Variants in RMP24 observed in about 807,000 individuals in gnomAD.
RMP24 encodes the protein ribonuclease MRP protein subunit p24.
At chr18:35,973,957 A>G in the RMP24 span, 277 of 152,614 alleles carry the variant, frequency 1.8e-3, 1 homozygote, top group Non-Finnish European at 5.3e-4. Flanking sequence ...CTGGATTAAT[A>G]AAAGTGAAAG....
chr18:35,972,866 G>C, the RMP24 span: 1 of 1,614,186 alleles, frequency 6.2e-7, no homozygotes, highest in Non-Finnish European at 8.5e-7. Context: ...CTCCTCACAA[G>C]TCTCTTTCTC....
At chr18:35,979,073 T>C in the RMP24 span, 5 of 1,419,552 alleles carry the variant, frequency 3.5e-6, no homozygotes, top group Non-Finnish European at 4.7e-6. Context: ...TATTCATTTT[T>C]TGAATACATG....
the RMP24 span, among the ~76,000 whole-genome samples, chr18:35,975,761 G>A: frequency 3.3e-5 from 5 of 152,116 alleles, no homozygotes; most frequent in East Asian, 1.9e-4. Flanking sequence ...TCACTGTGCC[G>A]GGCACTGGAC....
At chr18:35,975,792 GC>G in the RMP24 span, among the ~76,000 whole-genome samples, 1 of 152,174 alleles carries the variant, frequency 6.6e-6, no homozygotes. Flanking sequence ...CTTATGTCTG[GC>G]CTAAGACTAT....
At chr18:35,979,101 C>A in the RMP24 span, 1 of 1,262,834 alleles carries the variant, frequency 7.9e-7, no homozygotes, top group Non-Finnish European at 1.1e-6. Context: ...GATCTGAATG[C>A]AAACTTTTCT....
chr18:35,974,995 C>G, the RMP24 span: 1 of 1,613,806 alleles, frequency 6.2e-7, no homozygotes, highest in African/African-American at 1.3e-5. Flanking sequence ...AGGTTGACAC[C>G]CAAAATACAG....
chr18:35,977,645 T>C, the RMP24 span: 3 of 1,563,032 alleles, frequency 1.9e-6, no homozygotes, highest in Non-Finnish European at 2.6e-6. Context: ...GTTAAGTGTT[T>C]TCTTCTAATT....
At chr18:35,974,857 TG>T in the RMP24 span, 125 of 1,559,466 alleles carry the variant, frequency 8.0e-5, no homozygotes, top group South Asian at 1.4e-3. Flanking sequence ...CAAAATATTC[TG>T]ATTTGCTGAA....
At chr18:35,977,425 A>T in the RMP24 span, 114 of 1,610,464 alleles carry the variant, frequency 7.1e-5, no homozygotes, top group African/African-American at 1.4e-3. Context: ...CACTTGTAAA[A>T]CATGCAACAG....
chr18:35,973,062 A>C, the RMP24 span: 1 of 958,356 alleles, frequency 1.0e-6, no homozygotes, highest in Non-Finnish European at 1.6e-6. Context: ...AAAAATCCAA[A>C]TTCTTTAATG....
chr18:35,973,013 A>G, the RMP24 span: 1 of 1,408,094 alleles, frequency 7.1e-7, no homozygotes, highest in Non-Finnish European at 1.0e-6. Flanking sequence ...CCTCCATAAA[A>G]ACAACAACAA....
At chr18:35,977,902 C>G in the RMP24 span, among the ~76,000 whole-genome samples, 1 of 152,346 alleles carries the variant, frequency 6.6e-6, no homozygotes, top group Non-Finnish European at 1.5e-5. Flanking sequence ...CAGCTAACCA[C>G]TCAAACCTGT....
chr18:35,972,979 A>C, the RMP24 span: 2 of 1,587,568 alleles, frequency 1.3e-6, no homozygotes, highest in Non-Finnish European at 1.7e-6. Flanking sequence ...CACAACGCTC[A>C]AATAAGGCCG....
At chr18:35,972,851 C>T in the RMP24 span, 1 of 1,614,216 alleles carries the variant, frequency 6.2e-7, no homozygotes, top group Non-Finnish European at 8.5e-7. Flanking sequence ...GTAGGTGTTC[C>T]TTTGCTCCTC....
chr18:35,975,386 T>C, the RMP24 span, among the ~76,000 whole-genome samples: 2 of 152,366 alleles, frequency 1.3e-5, no homozygotes, highest in East Asian at 1.9e-4. Context: ...CTGACCGTTA[T>C]GGCTCCACCT....
the RMP24 span, among the ~76,000 whole-genome samples, chr18:35,974,521 A>G: frequency 1.3e-5 from 2 of 152,232 alleles, no homozygotes; most frequent in African/African-American, 4.8e-5. Context: ...AAAAAAAGAA[A>G]CAAAATCGCA....
At chr18:35,975,782 C>T in the RMP24 span, among the ~76,000 whole-genome samples, 39 of 152,300 alleles carry the variant, frequency 2.6e-4, no homozygotes, top group East Asian at 6.7e-3. Context: ...ATTATGACAG[C>T]TTATGTCTGG....
chr18:35,976,257 C>A, the RMP24 span, among the ~76,000 whole-genome samples: 1 of 145,092 alleles, frequency 6.9e-6, no homozygotes, highest in Admixed American at 7.4e-5. Flanking sequence ...TCACGCCATT[C>A]TCCTGCCTCA....
At chr18:35,978,083 A>G in the RMP24 span, among the ~76,000 whole-genome samples, 1 of 152,144 alleles carries the variant, frequency 6.6e-6, no homozygotes, top group Non-Finnish European at 1.5e-5. Context: ...TAGTGCTGCT[A>G]TATTCTGGTT....
Sources: gnomAD v4.1 joint callset for allele counts (sites outside exome capture counted in the v4.1 genomes callset) on GRCh38, gnomAD v4.1.1 for gene constraint, MANE v1.5 for transcripts, NCBI Gene and HGNC (gene_info 2026-07-23, HGNC 2026-07-21) for gene names.